SVIL: variants seen among roughly 807,000 people sequenced by gnomAD.
The protein encoded by SVIL is supervillin.
SVIL carries 101 observed loss-of-function variants against 240.4 expected under a neutral mutation model. The observed-to-expected ratio is 0.42, with a 90% CI of 0.36 to 0.50. SVIL has a LOEUF of 0.50. Ranked by LOEUF, SVIL falls within the 20% of genes least tolerant of loss-of-function variation. The probability of loss-of-function intolerance (pLI) is 0.01; values close to 1 mark genes in which losing one functional copy is unlikely to be tolerated. For synonymous variants in SVIL, 999 were observed against 1,100.0 expected (o/e 0.91, Z 1.82); for missense variants, 2,512 against 2,818.7 (o/e 0.89, Z 2.46).
In SVIL at chr10:29,554,905, C is replaced by T; in HGVS notation, c.38G>A (p.Gly13Glu). 6.2e-7 allele frequency: 1 copy of T among 1,612,528 alleles called. No homozygotes were observed. Among genetic ancestry groups the T allele is most frequent in the South Asian group, 1.1e-5 (1 of 90,818 alleles). Residue 13 changes from glycine (G) to glutamate (E), a missense_variant, in exon 5 of 38, where the codon GGG (glycine) becomes GAG (glutamate). Around this residue, in one of 3 missense-constraint regions of SVIL, gnomAD observed 1,443 missense variants for 1,486.6 expected, o/e 0.97. Transcript: ENST00000355867. ...GATGGGCTGAGTGTCATTTTCAATC[C>T]CTTCCAGGCGCCTGGCAATTCTTTC... Reference protein sequence around the residue: ...RKERIARRLEGIENDTQPILL... With the variant: ...RKERIARRLEEIENDTQPILL...
At chr10:29,485,760 A>G (rs1253376921) in intron 26 of SVIL, among the ~76,000 whole-genome samples, 2 of 152,230 alleles carry the variant, frequency 1.3e-5, no homozygotes, top group Non-Finnish European at 2.9e-5. Context: ...TGTTCCTTAA[A>G]CTTAAGGATT....
At chr10:29,652,378 A>C (rs1265446) in intron 3 of SVIL, among the ~76,000 whole-genome samples, 26,900 of 152,196 alleles carry the variant, frequency 0.18, 2,557 homozygotes, top group South Asian at 0.34. Context: ...ATATGTCAGC[A>C]CTACAATCCT....
At chr10:29,700,204 T>C (rs2132641164) in intron 1 of SVIL, among the ~76,000 whole-genome samples, 1 of 152,330 alleles carries the variant, frequency 6.6e-6, no homozygotes, top group South Asian at 2.1e-4. Flanking sequence ...ACCCTAACTT[T>C]GTTTACATAT....
chr10:29,662,314 TG>T (rs1959169804), intron 2 of SVIL, among the ~76,000 whole-genome samples: 1 of 152,190 alleles, frequency 6.6e-6, no homozygotes, highest in South Asian at 2.1e-4. Context: ...CCCTGTCTCC[TG>T]AATTCATGCC....
chr10:29,486,380 G>A (rs772621371), intron 25 of SVIL, 30 bp downstream of exon 25: 19 of 1,610,332 alleles, frequency 1.2e-5, no homozygotes, highest in Middle Eastern at 1.7e-4. Flanking sequence ...TTCAAGTCTC[G>A]TCAATCTCTG....
intron 6 of SVIL, among the ~76,000 whole-genome samples, chr10:29,544,146 G>A (rs1952418313): frequency 6.6e-6 from 1 of 152,194 alleles, no homozygotes; most frequent in Non-Finnish European, 1.5e-5. Context: ...CCAAAGTGAA[G>A]TCAAATGCAG....
intron 12 of SVIL, among the ~76,000 whole-genome samples, chr10:29,527,412 C>T (rs11007641): frequency 0.46 from 70,215 of 151,908 alleles, 17,361 homozygotes; most frequent in African/African-American, 0.63. Context: ...AATATTGTTT[C>T]CAATCTAATT....
At chr10:29,688,717 A>ATCTCTGAAG (rs1283858681) in intron 1 of SVIL, among the ~76,000 whole-genome samples, 1 of 152,232 alleles carries the variant, frequency 6.6e-6, no homozygotes, top group African/African-American at 2.4e-5. Context: ...ACATAAAAAA[A>ATCTCTGAAG]TCTCTGAAGT....
chr10:29,690,634 C>T (rs1047525752), intron 1 of SVIL, among the ~76,000 whole-genome samples: 2 of 151,934 alleles, frequency 1.3e-5, no homozygotes, highest in African/African-American at 4.8e-5. Context: ...AAAATAAAAA[C>T]AAAGATTACA....
intron 2 of SVIL, among the ~76,000 whole-genome samples, chr10:29,676,622 G>A: frequency 6.6e-6 from 1 of 152,238 alleles, no homozygotes; most frequent in East Asian, 1.9e-4. Context: ...TGGCTCCAAT[G>A]GAGCAAGAGA....
chr10:29,625,011 A>G (rs2132930139), intron 1 of SVIL, among the ~76,000 whole-genome samples: 1 of 152,354 alleles, frequency 6.6e-6, no homozygotes, highest in Middle Eastern at 3.4e-3. Context: ...AGGCAGATCT[A>G]GCTTATATAC....
chr10:29,541,197 G>T (rs1952126787), intron 6 of SVIL, among the ~76,000 whole-genome samples: 1 of 152,084 alleles, frequency 6.6e-6, no homozygotes, highest in Non-Finnish European at 1.5e-5. Flanking sequence ...AATTATTTTT[G>T]ATAAATAAGG....
At chr10:29,674,636 A>G (rs576507417) in intron 2 of SVIL, among the ~76,000 whole-genome samples, 1 of 152,328 alleles carries the variant, frequency 6.6e-6, no homozygotes, top group East Asian at 1.9e-4. Context: ...TGTTTGCTAT[A>G]GCTTGCTGTA....
rs375296331 is a variant in SVIL, at chr10:29,487,247, G to A, written c.4401C>T (p.Asn1467=). The A allele has an allele frequency of 1.5e-5, 25 of 1,614,020 alleles. 1 individual carries two copies. Among genetic ancestry groups the A allele is most frequent in the South Asian group, 1.3e-4 (12 of 91,076 alleles). Residue 1467 remains asparagine, a synonymous_variant, in exon 24 of 38, where the codon AAC becomes AAT. Transcript: ENST00000355867. ...AGAGCAGGAGGAAGCAGTCCCCACT[G>A]TTGAGCGCCGAAGCTCGAGGTTCCA... The part of the protein sequence containing the change: ...RLVEPRASAL[N]SGDCFLLLSP...
intron 3 of SVIL, among the ~76,000 whole-genome samples, chr10:29,655,874 G>GGTT (rs1554887813): frequency 2.0e-4 from 27 of 136,252 alleles, no homozygotes; most frequent in South Asian, 2.4e-4. Context: ...GTATGTGTGG[G>GGTT]TTTTTTTTTT....
chr10:29,473,961 C>G lies in SVIL; in HGVS notation c.5406G>C (p.Ser1802=), dbSNP rs754086136. ...ACTTCTCTTTGCCGGCTGCCCTCAC[C>G]GAGTGCTCTCCCTTCTGGCGACTTC... ...AVGSRQKGEH[S]VRAAGKEKCV... The change falls in exon 30 of 38, where the codon TCG becomes TCC. Residue 1802 remains serine (S), a synonymous_variant. Transcript: ENST00000355867. 6 of 1,613,912 alleles carry G rather than the reference C, an allele frequency of 3.7e-6. No homozygotes were observed. The highest frequency in any genetic ancestry group is 5.1e-6 in the Non-Finnish European group (6 of 1,180,010).
At chr10:29,591,568 G>C (rs1382087191) in intron 1 of SVIL, among the ~76,000 whole-genome samples, 2 of 152,172 alleles carry the variant, frequency 1.3e-5, no homozygotes, top group Admixed American at 6.5e-5. Context: ...CATTGCTACT[G>C]TGCGAACATT....
At chr10:29,548,269 T>C (rs1248437255) in intron 6 of SVIL, among the ~76,000 whole-genome samples, 1 of 152,168 alleles carries the variant, frequency 6.6e-6, no homozygotes, top group Admixed American at 6.5e-5. Context: ...AAAATAGGGG[T>C]GTTTCCCACA....
Position 29,735,694 on chromosome 10 carries a change from T to C in SVIL, c.-400+57A>G, listed in dbSNP as rs1564374940. 1 of 151,536 alleles carries C rather than the reference T, an allele frequency of 6.6e-6. No individual in the cohort carries two copies. The highest frequency in any genetic ancestry group is 1.5e-5 in the Non-Finnish European group (1 of 67,942). The allele number at this position is 151,536 out of a possible 1,614,324, so 9.4% of individuals were successfully genotyped here. On this transcript the variant is annotated intron_variant, in intron 1 of 35. Coordinates refer to the SVIL transcript ENST00000375400. This position sits in a 1 kb window ranked among gnomAD's most constrained non-coding sequence, Gnocchi z 4.1. Reference sequence around the variant, plus strand: ...CAGAGCGCAGCGGCGCGTCCTGGCGTCTGCCGGCCCCGGCTCCGCGCGCCC... The same window carrying C: ...CAGAGCGCAGCGGCGCGTCCTGGCGCCTGCCGGCCCCGGCTCCGCGCGCCC...
Sources: allele counts gnomAD v4.1 joint callset (sites outside exome capture counted in the v4.1 genomes callset), GRCh38; gene constraint gnomAD v4.1.1; regional missense constraint gnomAD v4.1.1; non-coding constraint Gnocchi (gnomAD v3.1); transcripts MANE v1.5; gene names NCBI Gene and HGNC (gene_info 2026-07-23, HGNC 2026-07-21).